CEP162: variants seen among roughly 807,000 people sequenced by gnomAD.
The protein encoded by CEP162 is centrosomal protein of 162 kDa.
Under a neutral mutation model 169.2 loss-of-function variants are expected in CEP162, and 141 were observed. That is an observed-to-expected ratio of 0.83 (90% confidence interval 0.73 to 0.96). The LOEUF (loss-of-function observed/expected upper bound fraction) is 0.96. CEP162 is among the 40% of genes least tolerant of loss of function. The probability of loss-of-function intolerance (pLI) is 0.00; values close to 1 mark genes in which losing one functional copy is unlikely to be tolerated. For missense variants in CEP162, 1,600 were observed against 1,587.2 expected (o/e 1.01, Z -0.14); for synonymous variants, 540 against 526.4 (o/e 1.03, Z -0.35).
intron 16 of CEP162, 78 bp downstream of exon 16, chr6:84,173,970 C>T (rs2099531225): frequency 2.4e-6 from 3 of 1,230,156 alleles, no homozygotes; most frequent in Non-Finnish European, 3.5e-6. Flanking sequence ...CAGGCATAAG[C>T]CACTGTGCCT....
chr6:84,126,300 G>A, intron 26 of CEP162, 78 bp downstream of exon 26: 2 of 1,049,716 alleles, frequency 1.9e-6, no homozygotes, highest in Non-Finnish European at 2.6e-6. Context: ...ATTTTTGCTA[G>A]GGATGACAAA....
intron 21 of CEP162, among the ~76,000 whole-genome samples, chr6:84,159,560 T>TATATATATAA (rs2099524827): frequency 1.6e-5 from 1 of 63,054 alleles, no homozygotes; most frequent in African/African-American, 7.9e-5. Flanking sequence ...TTTTTTTTTT[T>TATATATATAA]TTTTTTTTTT....
At chr6:84,168,370 T>A (rs1458307819) in intron 18 of CEP162, among the ~76,000 whole-genome samples, 3 of 152,200 alleles carry the variant, frequency 2.0e-5, no homozygotes, top group East Asian at 3.9e-4. Context: ...AGCTGTATTT[T>A]ATATACTACA....
At chr6:84,188,915 A>G (rs2099538436) in intron 11 of CEP162, among the ~76,000 whole-genome samples, 1 of 151,978 alleles carries the variant, frequency 6.6e-6, no homozygotes, top group East Asian at 1.9e-4. Context: ...ACTTTTTAAT[A>G]ATAGCTATTC....
chr6:84,190,593 C>T (rs1562063618), intron 11 of CEP162, among the ~76,000 whole-genome samples: 2 of 151,916 alleles, frequency 1.3e-5, no homozygotes, highest in Admixed American at 6.6e-5. Flanking sequence ...ACTCCAGACG[C>T]GCTGCCTTAA....
chr6:84,158,217 C>T (rs962223129), intron 21 of CEP162, among the ~76,000 whole-genome samples: 1 of 152,182 alleles, frequency 6.6e-6, no homozygotes, highest in Non-Finnish European at 1.5e-5. Flanking sequence ...AGTCTAGTGT[C>T]AGTTAAGAGC....
intron 18 of CEP162, among the ~76,000 whole-genome samples, chr6:84,166,850 G>A (rs1269467664): frequency 6.6e-6 from 1 of 152,078 alleles, no homozygotes; most frequent in African/African-American, 2.4e-5. Context: ...ATTTATCCCA[G>A]TATAAATAAT....
chr6:84,124,435 G>C lies in CEP162; in HGVS notation c.*635C>G, dbSNP rs1050255062. ...CATGTCATTTGCAGCAACATGGATA[G>C]AGCTGGAGGCCATTATCCTATGTGA... On this transcript the variant is annotated 3_prime_UTR_variant, in exon 27 of 27. Coordinates refer to ENST00000403245, the MANE Select transcript of CEP162 (RefSeq NM_014895.4). 2.6e-5 allele frequency: 4 copies of C among 152,364 alleles called. No homozygotes were observed. The highest frequency in any genetic ancestry group is 9.7e-5 in the African/African-American group (4 of 41,432). The allele number at this position is 152,364 out of a possible 1,614,324, so 9.4% of individuals were successfully genotyped here.
chr6:84,162,233 T>A (rs1486788757), intron 19 of CEP162, among the ~76,000 whole-genome samples: 1 of 152,156 alleles, frequency 6.6e-6, no homozygotes, highest in Non-Finnish European at 1.5e-5. Context: ...AATGTTGGAT[T>A]TAAGAAATAA....
chr6:84,219,266 A>G (rs2099552728), intron 3 of CEP162: 1 of 744,192 alleles, frequency 1.3e-6, no homozygotes, highest in African/African-American at 1.8e-5. Flanking sequence ...TGAATCAGGG[A>G]CCAGGTTATT....
At chr6:84,131,729 A>G (rs2099511560) in intron 25 of CEP162, among the ~76,000 whole-genome samples, 1 of 151,396 alleles carries the variant, frequency 6.6e-6, no homozygotes, top group South Asian at 2.1e-4. Context: ...TCTTGAGCCT[A>G]TGTGTGTCTC....
intron 3 of CEP162, among the ~76,000 whole-genome samples, chr6:84,218,861 A>T (rs898285876): frequency 6.6e-6 from 1 of 152,232 alleles, no homozygotes; most frequent in Non-Finnish European, 1.5e-5. Flanking sequence ...TAGTGGCAAC[A>T]TGTCCAGGGT....
intron 24 of CEP162, among the ~76,000 whole-genome samples, chr6:84,147,885 G>A (rs2099519638): frequency 1.3e-5 from 2 of 152,060 alleles, no homozygotes; most frequent in South Asian, 4.1e-4. Context: ...AAGAAACTAA[G>A]AGAAATTGGG....
In CEP162 at chr6:84,200,887, A is replaced by G. The variant is rs760484464; in HGVS notation, c.737T>C (p.Leu246Ser). Residue 246 changes from leucine (L) to serine (S), a missense_variant, in exon 9 of 27, where the codon TTA (leucine) becomes TCA (serine). Leu to Ser is a moderately radical substitution (Grantham distance 145). Coordinates refer to ENST00000403245, the MANE Select transcript of CEP162 (RefSeq NM_014895.4). ...MLANVVLLDS[L>S]DSVAEVNLDE... is the part of the protein sequence containing the mutation. ...AAGATTGACCTCTGCAACAGAGTCTAATGAATCAAGCAGCACAACTGGAAG... is the reference window on the plus strand; with the variant it reads ...AAGATTGACCTCTGCAACAGAGTCTGATGAATCAAGCAGCACAACTGGAAG... The G allele has an allele frequency of 1.9e-6, 3 of 1,604,456 alleles. No individual in the cohort carries two copies.
At chr6:84,198,480 A>G (rs1391684052) in intron 9 of CEP162, among the ~76,000 whole-genome samples, 1 of 152,132 alleles carries the variant, frequency 6.6e-6, no homozygotes, top group Non-Finnish European at 1.5e-5. Flanking sequence ...AGGTTTCACC[A>G]TGTTGGTCAG....
chr6:84,219,164 G>A, intron 3 of CEP162: 1 of 1,291,780 alleles, frequency 7.7e-7, no homozygotes, highest in Middle Eastern at 2.1e-4. Flanking sequence ...TCCCTCAGAA[G>A]GTTCTACACT....
At chr6:84,175,053 A>C in intron 14 of CEP162, 99 bp from the exon 15 acceptor site, 1 of 935,740 alleles carries the variant, frequency 1.1e-6, no homozygotes, top group Non-Finnish European at 1.6e-6. Flanking sequence ...ATGGTTAATA[A>C]TGTTCTATTA....
chr6:84,212,401 A>G (rs1326377021), intron 6 of CEP162, among the ~76,000 whole-genome samples: 1 of 152,162 alleles, frequency 6.6e-6, no homozygotes, highest in Non-Finnish European at 1.5e-5. Flanking sequence ...TGACAAAAAT[A>G]GCAAAATGGT....
intron 10 of CEP162, among the ~76,000 whole-genome samples, chr6:84,194,495 C>T (rs1217294208): frequency 6.8e-6 from 1 of 147,256 alleles, no homozygotes; most frequent in African/African-American, 2.5e-5. Flanking sequence ...ACTCTGTTGC[C>T]AGGCTGGAGG....
Sources: allele counts gnomAD v4.1 joint callset (sites outside exome capture counted in the v4.1 genomes callset), GRCh38; gene constraint gnomAD v4.1.1; transcripts MANE v1.5; gene names NCBI Gene and HGNC (gene_info 2026-07-23, HGNC 2026-07-21).